CLEC2B: variants seen among roughly 807,000 people sequenced by gnomAD.
CLEC2B encodes C-type lectin domain family 2 member B.
CLEC2B carries 14 observed loss-of-function variants against 16.2 expected under a neutral mutation model. The observed-to-expected ratio is 0.86, with a 90% CI of 0.57 to 1.35. CLEC2B has a LOEUF of 1.35. CLEC2B is among the 40% of genes most tolerant of loss of function. CLEC2B has a pLI of 0.00. For missense variants in CLEC2B, 166 were observed against 182.3 expected (o/e 0.91, Z 0.52); for synonymous variants, 42 against 55.8 (o/e 0.75, Z 1.10).
At chr12:9,867,521 A>G (rs1368756716) in intron 1 of CLEC2B, among the ~76,000 whole-genome samples, 2 of 152,040 alleles carry the variant, frequency 1.3e-5, no homozygotes, top group Non-Finnish European at 2.9e-5. Flanking sequence ...CTCAATACTT[A>G]TTTAGGAGGC....
chr12:9,860,656 C>T (rs990420728), intron 2 of CLEC2B, among the ~76,000 whole-genome samples: 4 of 151,646 alleles, frequency 2.6e-5, no homozygotes, highest in African/African-American at 9.7e-5. Flanking sequence ...TCCAGGTAAA[C>T]TTGAAGAATA....
In CLEC2B at chr12:9,857,595, C is replaced by T. The variant is rs1469693570; in HGVS notation, c.116G>A (p.Trp39Ter). 1 of 1,610,932 alleles carries T rather than the reference C, an allele frequency of 6.2e-7. No homozygotes were observed. Among genetic ancestry groups the T allele is most frequent in the Non-Finnish European group, 8.5e-7 (1 of 1,177,942 alleles). The change falls in exon 3 of 5, where the codon TGG becomes TAG. Residue 39 changes from tryptophan to a stop codon, truncating the protein, a stop_gained. Transcript: ENST00000228438. LOFTEE classifies it high-confidence loss of function. ...ATAGCATTTGTTTTGGAAACCAATC[C>T]AATCATAGGGGCATAAACTCTGAGA... ...RDSQSLCPYD[W>*]IGFQNKCYYF... is the part of the protein sequence containing the mutation.
chr12:9,852,761 C>G lies in CLEC2B; in HGVS notation c.*539G>C, dbSNP rs930649754. On this transcript the variant is annotated 3_prime_UTR_variant, in exon 5 of 5. Transcript: ENST00000228438. ...ACCTTCACTCTTAAAGCCCCACCCC[C>G]CTTTGTTTTGACAGATTTCAGTTCA... 6.6e-6 allele frequency among the ~76,000 whole-genome samples: 1 copy of G among 152,086 alleles called. No homozygotes were observed. The highest frequency in any genetic ancestry group is 1.5e-5 in the Non-Finnish European group (1 of 68,006).
In CLEC2B at chr12:9,852,529, T is replaced by G. The variant is rs995842104; in HGVS notation, c.*771A>C. Among the ~76,000 whole-genome samples the G allele has an allele frequency of 3.3e-5, 5 of 152,168 alleles. No individual in the cohort carries two copies. Among genetic ancestry groups the G allele is most frequent in the Non-Finnish European group, 5.9e-5 (4 of 68,034 alleles). On this transcript the variant is annotated 3_prime_UTR_variant, in exon 5 of 5. Coordinates refer to ENST00000228438, the MANE Select transcript of CLEC2B (RefSeq NM_005127.3). Reference sequence around the variant, plus strand: ...TGGTTTTAGGTTACAACAGGTAGTTTTAGCAACTAGGTTTGTAGAGAATTA... The same window carrying G: ...TGGTTTTAGGTTACAACAGGTAGTTGTAGCAACTAGGTTTGTAGAGAATTA...
At chr12:9,869,060 G>A (rs1867994688) in intron 1 of CLEC2B, 145 bp downstream of exon 1, 1 of 152,084 alleles carries the variant, frequency 6.6e-6, no homozygotes, top group South Asian at 2.1e-4. Flanking sequence ...ACAGTCATAT[G>A]CAAATCTCAA....
At chr12:9,863,320 A>G (rs1043734705) in intron 1 of CLEC2B, among the ~76,000 whole-genome samples, 3 of 152,180 alleles carry the variant, frequency 2.0e-5, no homozygotes, top group African/African-American at 7.2e-5. Flanking sequence ...GTAAATTACA[A>G]GGAATATTTA....
chr12:9,858,217 ATG>A (rs1223183255), intron 2 of CLEC2B, among the ~76,000 whole-genome samples: 1 of 152,088 alleles, frequency 6.6e-6, no homozygotes, highest in East Asian at 1.9e-4. Flanking sequence ...AGGTCTTTCC[ATG>A]TGTTCCCCTG....
At chr12:9,862,167 A>G (rs1867937734) in intron 2 of CLEC2B, among the ~76,000 whole-genome samples, 1 of 152,124 alleles carries the variant, frequency 6.6e-6, no homozygotes, top group Non-Finnish European at 1.5e-5. Context: ...TGTATTTTAT[A>G]TGTATTTAAA....
At chr12:9,864,162 T>TG (rs1867953304) in intron 1 of CLEC2B, among the ~76,000 whole-genome samples, 1 of 46,790 alleles carries the variant, frequency 2.1e-5, no homozygotes, top group Non-Finnish European at 5.0e-5. Flanking sequence ...TTTTAAGTGC[T>TG]GAAAAAAAAA....
chr12:9,858,345 C>G (rs1241549762), intron 2 of CLEC2B, among the ~76,000 whole-genome samples: 1 of 152,024 alleles, frequency 6.6e-6, no homozygotes, highest in Admixed American at 6.6e-5. Context: ...ACAGCCCCAG[C>G]CTTGAGCTAT....
rs763226829 is a variant in CLEC2B, at chr12:9,857,556, T to C, written c.155A>G (p.Glu52Gly). Residue 52 changes from glutamate (E) to glycine (G), a missense_variant, in exon 3 of 5, where the codon GAA becomes GGA. Physicochemically the swap from Glu to Gly is moderately conservative, Grantham distance 98 (BLOSUM62 -2). Coordinates refer to ENST00000228438, the MANE Select transcript of CLEC2B (RefSeq NM_005127.3). ...TTTACTTGAATTCCAATCTCCTTCT[T>C]CTTTAGAGAAATAATAGCATTTGTT... ...FQNKCYYFSKEEGDWNSSKYN... is the reference protein window; with the variant it reads ...FQNKCYYFSKGEGDWNSSKYN... 1 of 1,611,036 alleles carries C rather than the reference T, an allele frequency of 6.2e-7. No individual in the cohort carries two copies. Among genetic ancestry groups the C allele is most frequent in the South Asian group, 1.1e-5 (1 of 91,000 alleles).
In CLEC2B at chr12:9,852,987, T is replaced by C. The variant is rs1345413410; in HGVS notation, c.*313A>G. 1 of 250,228 alleles carries C rather than the reference T, an allele frequency of 4.0e-6. No individual in the cohort carries two copies. The highest frequency in any genetic ancestry group is 7.8e-6 in the Non-Finnish European group (1 of 127,462). The allele number at this position is 250,228 out of a possible 1,614,324, so 15.5% of individuals were successfully genotyped here. ...GGTACTCAAATTGTTCCATATTGGGTCATGAAAGTCCTGTCTAAGTGCTAT... is the reference window on the plus strand; with the variant it reads ...GGTACTCAAATTGTTCCATATTGGGCCATGAAAGTCCTGTCTAAGTGCTAT... On this transcript the variant is annotated 3_prime_UTR_variant, in exon 5 of 5. Coordinates refer to ENST00000228438, the MANE Select transcript of CLEC2B (RefSeq NM_005127.3).
intron 1 of CLEC2B, among the ~76,000 whole-genome samples, chr12:9,868,293 G>A (rs1867987219): frequency 6.6e-6 from 1 of 151,868 alleles, no homozygotes; most frequent in African/African-American, 2.4e-5. Flanking sequence ...GATATTTTAT[G>A]CTACCATCAA....
chr12:9,854,530 T>C (rs545924107), intron 3 of CLEC2B, 46 bp from the exon 4 acceptor site: 1 of 1,249,024 alleles, frequency 8.0e-7, no homozygotes, highest in South Asian at 1.2e-5. Context: ...CCAATTTTTA[T>C]GACAACCTAC....
intron 3 of CLEC2B, chr12:9,854,796 T>C (rs572210321): frequency 1.1e-3 from 480 of 429,536 alleles, no homozygotes; most frequent in Non-Finnish European, 1.7e-3. Flanking sequence ...GAAATTGAGC[T>C]CTCGCACAGC....
intron 1 of CLEC2B, among the ~76,000 whole-genome samples, chr12:9,868,950 G>A (rs1057466809): frequency 1.3e-5 from 2 of 152,054 alleles, no homozygotes; most frequent in African/African-American, 4.8e-5. Flanking sequence ...AAAATACTTA[G>A]TAAAAATGAA....
In CLEC2B at chr12:9,857,507, G is replaced by T. The variant is rs370109041; in HGVS notation, c.204C>A (p.Ala68=). Residue 68 remains alanine, a synonymous_variant, in exon 3 of 5, where the codon GCC becomes GCA. Transcript: ENST00000228438. The part of the protein sequence containing the change: ...SSKYNCSTQH[A]DLTIIDNIEE... Reference sequence around the variant, plus strand: ...CTATGTTGTCAATTATAGTTAGGTCGGCATGTTGAGTGGAACAGTTGTATT... The same window carrying T: ...CTATGTTGTCAATTATAGTTAGGTCTGCATGTTGAGTGGAACAGTTGTATT... The T allele has an allele frequency of 1.9e-6, 3 of 1,609,718 alleles. No homozygotes were observed. In the East Asian group the frequency reaches 6.7e-5, roughly 36 times the overall value.
At chr12:9,865,504 C>T (rs1195135803) in intron 1 of CLEC2B, among the ~76,000 whole-genome samples, 1 of 152,084 alleles carries the variant, frequency 6.6e-6, no homozygotes, top group African/African-American at 2.4e-5. Flanking sequence ...CCAGATCTCC[C>T]AAGTATATAA....
chr12:9,867,090 A>C (rs1183147405), intron 1 of CLEC2B: 3 of 152,194 alleles, frequency 2.0e-5, no homozygotes, highest in Non-Finnish European at 4.4e-5. Flanking sequence ...TTCAGCACAA[A>C]ATAGCAGAGC....
Sources: gnomAD v4.1 joint callset for allele counts (sites outside exome capture counted in the v4.1 genomes callset) on GRCh38, gnomAD v4.1.1 for gene constraint, MANE v1.5 for transcripts, NCBI Gene and HGNC (gene_info 2026-07-23, HGNC 2026-07-21) for gene names.